Variants in HIVEP2 observed in about 807,000 individuals in gnomAD.
HIVEP2 encodes transcription factor HIVEP2.
A neutral mutation model predicts 180.7 loss-of-function variants in HIVEP2; 14 were observed. The observed-to-expected ratio is 0.08, with a 90% confidence interval of 0.05 to 0.12. The LOEUF (loss-of-function observed/expected upper bound fraction) is 0.12. Ranked by LOEUF, HIVEP2 falls within the 10% of genes least tolerant of loss-of-function variation. The pLI is 1.00. For synonymous variants in HIVEP2, 1,184 were observed against 1,136.4 expected (o/e 1.04, Z -0.84); for missense variants, 2,579 against 3,008.5 (o/e 0.86, Z 3.34).
At chr6:142,850,885 G>GAA (rs1207843377) in intron 1 of HIVEP2, among the ~76,000 whole-genome samples, 13 of 152,192 alleles carry the variant, frequency 8.5e-5, no homozygotes, top group Non-Finnish European at 1.8e-4. Context: ...CGCAGGACAA[G>GAA]AAAACAGTCA....
chr6:142,910,456 G>A (rs1777372958), intron 1 of HIVEP2, among the ~76,000 whole-genome samples: 5 of 152,222 alleles, frequency 3.3e-5, no homozygotes, highest in Admixed American at 3.3e-4. Flanking sequence ...ACAAAAATTA[G>A]CTGGGTGTGG....
At chr6:142,891,416 A>T (rs534790387) in intron 1 of HIVEP2, among the ~76,000 whole-genome samples, 1 of 149,826 alleles carries the variant, frequency 6.7e-6, no homozygotes, top group African/African-American at 2.4e-5. Context: ...ATAATTTAAT[A>T]TTAATATTAA....
intron 1 of HIVEP2, among the ~76,000 whole-genome samples, chr6:142,917,403 A>C (rs1368815738): frequency 1.3e-5 from 2 of 152,246 alleles, no homozygotes; most frequent in Non-Finnish European, 2.9e-5. Context: ...CCGCAGCAGA[A>C]GCAACAGGTA....
At chr6:142,828,174 A>T (rs1774965522) in intron 2 of HIVEP2, among the ~76,000 whole-genome samples, 1 of 152,190 alleles carries the variant, frequency 6.6e-6, no homozygotes, top group Admixed American at 6.5e-5. Flanking sequence ...CTAGGCACTC[A>T]ATAAGTAAGA....
At chr6:142,931,524 T>C (rs1777942129) in intron 1 of HIVEP2, among the ~76,000 whole-genome samples, 2 of 152,088 alleles carry the variant, frequency 1.3e-5, no homozygotes, top group South Asian at 2.1e-4. Flanking sequence ...GGTGTGAATA[T>C]AACAATACAT....
intron 2 of HIVEP2, among the ~76,000 whole-genome samples, chr6:142,798,476 G>A (rs988150327): frequency 6.6e-6 from 1 of 152,014 alleles, no homozygotes; most frequent in Admixed American, 6.6e-5. Context: ...TAATTAAAAC[G>A]CCTTGGTTGA....
chr6:142,880,669 T>C (rs1247233558), intron 1 of HIVEP2, among the ~76,000 whole-genome samples: 1 of 152,102 alleles, frequency 6.6e-6, no homozygotes, highest in East Asian at 1.9e-4. Flanking sequence ...ACCTCTGAGA[T>C]CCTAGTCCAA....
intron 2 of HIVEP2, among the ~76,000 whole-genome samples, chr6:142,825,961 A>C (rs1484614704): frequency 6.6e-6 from 1 of 152,072 alleles, no homozygotes; most frequent in African/African-American, 2.4e-5. Context: ...AATTTAATAA[A>C]TTTAAAATAA....
intron 1 of HIVEP2, among the ~76,000 whole-genome samples, chr6:142,918,893 T>C (rs567643864): frequency 1.3e-5 from 2 of 152,290 alleles, no homozygotes; most frequent in East Asian, 3.9e-4. Flanking sequence ...CACTATAATT[T>C]TTTAAATATT....
chr6:142,765,568 G>T (rs1775362056), intron 6 of HIVEP2, among the ~76,000 whole-genome samples: 1 of 152,154 alleles, frequency 6.6e-6, no homozygotes, highest in South Asian at 2.1e-4. Flanking sequence ...GATTTGATCT[G>T]CTCTTCCCAA....
chr6:142,768,479 T>C lies in HIVEP2; in HGVS notation c.5245A>G (p.Asn1749Asp), dbSNP rs1381599492. ...CCTTTCCCTCTTTCCTTTAAGATATTTCCCACTAGTTTCCTTTCTAGTTTG... is the reference window on the plus strand; with the variant it reads ...CCTTTCCCTCTTTCCTTTAAGATATCTCCCACTAGTTTCCTTTCTAGTTTG... Reference protein sequence around the residue: ...GSKLERKLVGNILKERGKGDI... With the variant: ...GSKLERKLVGDILKERGKGDI... Residue 1749 changes from asparagine (N) to aspartate (D), a missense_variant, in exon 6 of 10, where the codon AAT becomes GAT. Physicochemically the swap from Asn to Asp is conservative, Grantham distance 23. Around this residue, in one of 11 missense-constraint regions of HIVEP2, gnomAD observed 349 missense variants for 367.2 expected, o/e 0.95. Coordinates refer to ENST00000367603, the MANE Select transcript of HIVEP2 (RefSeq NM_006734.4). The C allele has an allele frequency of 1.2e-6, 2 of 1,613,422 alleles. No homozygotes were observed. The highest frequency in any genetic ancestry group is 1.7e-6 in the Non-Finnish European group (2 of 1,179,674).
chr6:142,833,945 G>A (rs1775159017), intron 2 of HIVEP2, among the ~76,000 whole-genome samples: 1 of 152,134 alleles, frequency 6.6e-6, no homozygotes, highest in Non-Finnish European at 1.5e-5. Flanking sequence ...GTATGCATCT[G>A]AAGAGCTATA....
In HIVEP2 at chr6:142,773,217, T is replaced by C. The variant is rs770827886; in HGVS notation, c.1522A>G (p.Ile508Val). 6.2e-7 allele frequency: 1 copy of C among 1,614,226 alleles called. No individual in the cohort carries two copies. Among genetic ancestry groups the C allele is most frequent in the South Asian group, 1.1e-5 (1 of 91,082 alleles). The change falls in exon 5 of 10, where the codon ATT (isoleucine) becomes GTT (valine). Residue 508 changes from isoleucine to valine, a missense_variant. Physicochemically the swap from Ile to Val is conservative, Grantham distance 29. Around this residue, in one of 11 missense-constraint regions of HIVEP2, gnomAD observed 524 missense variants for 563.6 expected, o/e 0.93. Coordinates refer to ENST00000367603, the MANE Select transcript of HIVEP2 (RefSeq NM_006734.4). ...FNSESRQPQI[I>V]PSSIRNEGKL... ...CCTTCGTTCCTGATAGATGATGGAA[T>C]AATCTGGGGTTGTCTGGACTCACTG...
intron 2 of HIVEP2, among the ~76,000 whole-genome samples, chr6:142,800,884 A>G (rs80170979): frequency 0.051 from 7,760 of 152,258 alleles, 273 homozygotes; most frequent in Middle Eastern, 0.11. Flanking sequence ...TTAGAAGATC[A>G]TAATTTTATC....
At chr6:142,811,341 G>A (rs1394721064) in intron 2 of HIVEP2, among the ~76,000 whole-genome samples, 1 of 152,166 alleles carries the variant, frequency 6.6e-6, no homozygotes, top group African/African-American at 2.4e-5. Context: ...GATGCAGAGG[G>A]ATTAGTGAAA....
intron 3 of HIVEP2, among the ~76,000 whole-genome samples, chr6:142,782,286 G>A (rs531763754): frequency 1.4e-4 from 22 of 152,230 alleles, no homozygotes; most frequent in Admixed American, 1.2e-3. Context: ...TTATTAAAGT[G>A]CCACAGATCA....
chr6:142,798,978 A>G (rs1313447807), intron 2 of HIVEP2, among the ~76,000 whole-genome samples: 2 of 152,194 alleles, frequency 1.3e-5, no homozygotes, highest in Admixed American at 6.6e-5. Context: ...ACAGGCAAAC[A>G]TTGCATTTAC....
chr6:142,802,314 A>G (rs977835568), intron 2 of HIVEP2, among the ~76,000 whole-genome samples: 1 of 152,114 alleles, frequency 6.6e-6, no homozygotes, highest in Admixed American at 6.6e-5. Context: ...TTCCCCCCAC[A>G]TTCCATTCAC....
chr6:142,773,783 A>G lies in HIVEP2; in HGVS notation c.956T>C (p.Leu319Ser), dbSNP rs373903307. Residue 319 changes from leucine to serine, a missense_variant, in exon 5 of 10, where the codon TTG (leucine) becomes TCG (serine). Coordinates refer to ENST00000367603, the MANE Select transcript of HIVEP2 (RefSeq NM_006734.4). ...GGYHGSLEES[L>S]GGPMKVPILI... Reference sequence around the variant, plus strand: ...AATCGGCACCTTCATTGGACCTCCCAATGATTCTTCCAATGACCCATGATA... The same window carrying G: ...AATCGGCACCTTCATTGGACCTCCCGATGATTCTTCCAATGACCCATGATA... 1.6e-4 allele frequency: 257 copies of G among 1,613,890 alleles called. No individual in the cohort carries two copies. Among genetic ancestry groups the G allele is most frequent in the Non-Finnish European group, 2.1e-4 (248 of 1,180,032 alleles).
Sources: allele counts gnomAD v4.1 joint callset (sites outside exome capture counted in the v4.1 genomes callset), GRCh38; gene constraint gnomAD v4.1.1; regional missense constraint gnomAD v4.1.1; transcripts MANE v1.5; gene names NCBI Gene and HGNC (gene_info 2026-07-23, HGNC 2026-07-21).